SPAG17: variants seen among roughly 807,000 people sequenced by gnomAD.
The protein encoded by SPAG17 is sperm-associated antigen 17.
A neutral mutation model predicts 273.6 loss-of-function variants in SPAG17; 169 were observed. That is an observed-to-expected ratio of 0.62 (90% confidence interval 0.55 to 0.70). The LOEUF (loss-of-function observed/expected upper bound fraction) is 0.70, where lower values mean the gene tolerates loss of function less well. Among genes scored for constraint, SPAG17 ranks in the 30% least tolerant of loss-of-function variants. The pLI is 0.00. For missense variants in SPAG17, 2,557 were observed against 2,627.8 expected, an observed-to-expected ratio of 0.97 and a Z score of 0.59; for synonymous variants, 825 against 873.2, an observed-to-expected ratio of 0.94 and a Z score of 0.97.
intron 1 of SPAG17, among the ~76,000 whole-genome samples, chr1:118,179,682 A>C (rs1382459505): frequency 2.0e-5 from 3 of 152,072 alleles, no homozygotes; most frequent in African/African-American, 7.2e-5. Flanking sequence ...AGATATTTGC[A>C]AATTATCCAT....
chr1:118,093,696 T>C (rs115845106), intron 7 of SPAG17, among the ~76,000 whole-genome samples: 162 of 152,300 alleles, frequency 1.1e-3, no homozygotes, highest in African/African-American at 3.7e-3. Flanking sequence ...TGACAAGCTA[T>C]AGATGATTTC....
intron 1 of SPAG17, among the ~76,000 whole-genome samples, chr1:118,170,793 T>C (rs1660385565): frequency 1.3e-5 from 2 of 152,152 alleles, no homozygotes; most frequent in Non-Finnish European, 2.9e-5. Context: ...TTGCCTCCTT[T>C]ATGTGCCTAT....
chr1:117,979,401 A>T lies in SPAG17; in HGVS notation c.6004+1869T>A, dbSNP rs531817183. On this transcript the variant is annotated intron_variant, in intron 43 of 48. Coordinates refer to ENST00000336338, the MANE Select transcript of SPAG17 (RefSeq NM_206996.4). ...TGCATCCTCTTGAGCAGCAAATTCT[A>T]TTGGCTCCACCCTCATGATATAGTT... 1.2e-4 allele frequency among the ~76,000 whole-genome samples: 19 copies of T among 152,156 alleles called. No individual in the cohort carries two copies. In the East Asian group the frequency reaches 1.4e-3, roughly 11 times the overall value.
chr1:118,038,253 T>C (rs1024068901), intron 23 of SPAG17, among the ~76,000 whole-genome samples: 1 of 152,152 alleles, frequency 6.6e-6, no homozygotes. Context: ...CCTTATAGAA[T>C]GGAGAAAATC....
chr1:117,966,461 A>C, intron 47 of SPAG17, 148 bp downstream of exon 47: 1 of 767,194 alleles, frequency 1.3e-6, no homozygotes, highest in Non-Finnish European at 1.9e-6. Context: ...TTCAAAGATG[A>C]ATGAAGATGC....
intron 3 of SPAG17, among the ~76,000 whole-genome samples, chr1:118,128,791 T>C (rs1179960095): frequency 1.3e-5 from 2 of 152,212 alleles, no homozygotes; most frequent in African/African-American, 4.8e-5. Flanking sequence ...TGCTCCTCCA[T>C]CATGTCACCT....
At chr1:118,076,967 G>GT (rs1281256768) in intron 15 of SPAG17, among the ~76,000 whole-genome samples, 1 of 151,962 alleles carries the variant, frequency 6.6e-6, no homozygotes, top group Non-Finnish European at 1.5e-5. Flanking sequence ...CAACTCTCAG[G>GT]TTTTTCATAA....
intron 17 of SPAG17, 76 bp downstream of exon 17, chr1:118,073,778 G>A (rs1225289160): frequency 3.3e-6 from 3 of 910,966 alleles, no homozygotes; most frequent in Non-Finnish European, 5.1e-6. Context: ...ATGACCTGGA[G>A]GTGAACTGTT....
chr1:118,146,996 T>C (rs1051023642), intron 3 of SPAG17, among the ~76,000 whole-genome samples: 1 of 152,216 alleles, frequency 6.6e-6, no homozygotes, highest in Non-Finnish European at 1.5e-5. Context: ...GATAATCTCA[T>C]CTTCCTTTGA....
At chr1:118,036,012 G>GT (rs1175368619) in intron 24 of SPAG17, among the ~76,000 whole-genome samples, 1 of 152,074 alleles carries the variant, frequency 6.6e-6, no homozygotes, top group Non-Finnish European at 1.5e-5. Context: ...GGGAAACATA[G>GT]TAAGACTTCA....
At chr1:117,999,392 G>C (rs1658017634) in intron 32 of SPAG17, among the ~76,000 whole-genome samples, 1 of 152,158 alleles carries the variant, frequency 6.6e-6, no homozygotes, top group African/African-American at 2.4e-5. Flanking sequence ...CTAGGGCCTT[G>C]AGGAATCACC....
intron 1 of SPAG17, among the ~76,000 whole-genome samples, chr1:118,180,357 G>A (rs535676652): frequency 1.6e-4 from 24 of 152,122 alleles, no homozygotes; most frequent in African/African-American, 4.6e-4. Flanking sequence ...GATGAATATC[G>A]TATGTTCTCA....
At position 117,958,951 on chromosome 1, in the gene SPAG17, C is replaced by T. The variant is rs758293080; in HGVS notation, c.*4848G>A. The T allele has an allele frequency of 2.5e-6, 4 of 1,613,684 alleles. No individual in the cohort carries two copies. The South Asian group carries it at 4.4e-5, about 18-fold the overall frequency. ...ATCACTAGCAATCAAATGCTTGTGCCAGTGATAGAAAAATTAAGGGAAACA... is the reference window on the plus strand; with the variant it reads ...ATCACTAGCAATCAAATGCTTGTGCTAGTGATAGAAAAATTAAGGGAAACA... On this transcript the variant is annotated intron_variant, in intron 48 of 48. Coordinates refer to ENST00000336338, the MANE Select transcript of SPAG17 (RefSeq NM_206996.4).
chr1:118,047,765 A>G (rs1457912433), intron 20 of SPAG17, among the ~76,000 whole-genome samples: 1 of 150,300 alleles, frequency 6.7e-6, no homozygotes, highest in Non-Finnish European at 1.5e-5. Context: ...CAAGTGCAAA[A>G]CCTATCCTCC....
chr1:118,085,925 T>G lies in SPAG17; in HGVS notation c.1759A>C (p.Ser587Arg), dbSNP rs1363677255. 1 of 1,601,318 alleles carries G rather than the reference T, an allele frequency of 6.2e-7. No homozygotes were observed. The highest frequency in any genetic ancestry group is 2.3e-5 in the East Asian group (1 of 44,064). ...TIHELMHFCTSDVLSWNEVER... is the reference protein window; with the variant it reads ...TIHELMHFCTRDVLSWNEVER... ...TAAGACAAAGCAATGGACTCACCAC[T>G]CGTACAAAAGTGCATAAGCTCATGA... Residue 587 changes from serine to arginine, a missense_variant, in exon 13 of 49, where the codon AGT (serine) becomes CGT (arginine). Ser to Arg is a moderately radical substitution (Grantham distance 110). Coordinates refer to ENST00000336338, the MANE Select transcript of SPAG17 (RefSeq NM_206996.4).
intron 40 of SPAG17, among the ~76,000 whole-genome samples, chr1:117,987,357 T>C (rs1656538063): frequency 6.6e-6 from 1 of 152,138 alleles, no homozygotes; most frequent in Non-Finnish European, 1.5e-5. Context: ...GCCATGCAAA[T>C]GTGTACAATA....
chr1:118,095,518 A>C (rs757820659), intron 7 of SPAG17, among the ~76,000 whole-genome samples: 17 of 152,172 alleles, frequency 1.1e-4, no homozygotes, highest in Non-Finnish European at 1.8e-4. Context: ...AGTTCCTGAT[A>C]GGGTATGTAG....
At chr1:117,971,421 C>A (rs1422146949) in intron 45 of SPAG17, among the ~76,000 whole-genome samples, 1 of 152,174 alleles carries the variant, frequency 6.6e-6, no homozygotes, top group Non-Finnish European at 1.5e-5. Context: ...GTCTTTCCCT[C>A]CATTATGCAG....
chr1:118,063,736 G>C (rs1652615225), intron 18 of SPAG17, among the ~76,000 whole-genome samples: 1 of 152,144 alleles, frequency 6.6e-6, no homozygotes. Context: ...TTGACAAATG[G>C]GATCTCATTA....
Sources: allele counts gnomAD v4.1 joint callset (sites outside exome capture counted in the v4.1 genomes callset), GRCh38; gene constraint gnomAD v4.1.1; transcripts MANE v1.5; gene names NCBI Gene and HGNC (gene_info 2026-07-23, HGNC 2026-07-21).